The following SMG6 variants were observed in gnomAD, a reference collection of about 807,000 sequenced individuals.
SMG6 encodes the protein SMG6 nonsense mediated mRNA decay factor.
SMG6 carries 66 observed loss-of-function variants against 142.2 expected under a neutral mutation model. That is an observed-to-expected ratio of 0.46 (90% CI 0.38 to 0.57). The LOEUF (loss-of-function observed/expected upper bound fraction) is 0.57, where lower values mean the gene tolerates loss of function less well. SMG6 is among the 20% of genes least tolerant of loss of function. The pLI is 0.00. For missense variants in SMG6, 1,793 were observed against 1,832.0 expected (o/e 0.98, Z 0.39); for synonymous variants, 779 against 702.4 (o/e 1.11, Z -1.72).
chr17:2,090,706 A>G (rs1476310896), intron 13 of SMG6, among the ~76,000 whole-genome samples: 2 of 152,248 alleles, frequency 1.3e-5, no homozygotes, highest in African/African-American at 4.8e-5. Flanking sequence ...CCAGCTTGCT[A>G]CTGCTCCTCT....
intron 13 of SMG6, among the ~76,000 whole-genome samples, chr17:2,097,152 T>A (rs1173839474): frequency 6.6e-6 from 1 of 151,908 alleles, no homozygotes; most frequent in Admixed American, 6.6e-5. Flanking sequence ...TAATTTTTCT[T>A]TTCTTTTCTT....
At chr17:2,094,824 T>C (rs1031731634) in intron 13 of SMG6, 1 of 152,228 alleles carries the variant, frequency 6.6e-6, no homozygotes, top group Admixed American at 6.5e-5. Flanking sequence ...CAAAGCCAGA[T>C]AGGAGTCTGG....
chr17:2,237,629 A>G (rs1299795461), intron 9 of SMG6: 3 of 883,068 alleles, frequency 3.4e-6, no homozygotes, highest in Non-Finnish European at 4.1e-6. Flanking sequence ...GCCACTCCCA[A>G]TACAGGAAGA....
At chr17:2,162,517 GAAAAAAAAAA>G (rs56092903) in intron 13 of SMG6, among the ~76,000 whole-genome samples, 66 of 60,648 alleles carry the variant, frequency 1.1e-3, no homozygotes, top group African/African-American at 3.8e-3. Flanking sequence ...CCCCATCTCA[GAAAAAAAAAA>G]AAAAAAAAAA....
At chr17:2,090,182 CAAAAAAAA>C (rs71150849) in intron 13 of SMG6, among the ~76,000 whole-genome samples, 2 of 96,674 alleles carry the variant, frequency 2.1e-5, no homozygotes, top group East Asian at 3.0e-4. Context: ...GACTCTGTCT[CAAAAAAAA>C]AAAAAAAAAA....
intron 13 of SMG6, among the ~76,000 whole-genome samples, chr17:2,098,005 G>T (rs11868391): frequency 1.3e-5 from 2 of 151,796 alleles, no homozygotes; most frequent in African/African-American, 4.8e-5. Context: ...CTTGGGGGGC[G>T]GGGGACAGGG....
intron 13 of SMG6, among the ~76,000 whole-genome samples, chr17:2,137,657 G>C (rs2070347245): frequency 6.6e-6 from 1 of 152,072 alleles, no homozygotes; most frequent in Non-Finnish European, 1.5e-5. Context: ...AAGACACCTG[G>C]AGAATGACCC....
At chr17:2,107,996 C>A (rs765722252) in intron 13 of SMG6, among the ~76,000 whole-genome samples, 1 of 152,182 alleles carries the variant, frequency 6.6e-6, no homozygotes, top group Non-Finnish European at 1.5e-5. Context: ...ACACCTGCCT[C>A]GCCTTCTGAA....
chr17:2,088,774 G>A (rs1268596628), intron 13 of SMG6: 42 of 985,298 alleles, frequency 4.3e-5, no homozygotes, highest in Non-Finnish European at 5.1e-5. Context: ...GGCTTGCCCA[G>A]AGGCACAGAG....
At chr17:2,197,842 A>G (rs1026325522) in intron 10 of SMG6, among the ~76,000 whole-genome samples, 3 of 152,206 alleles carry the variant, frequency 2.0e-5, no homozygotes, top group Non-Finnish European at 1.5e-5. Flanking sequence ...AAATATTGGT[A>G]AGGATGCTGG....
intron 10 of SMG6, among the ~76,000 whole-genome samples, chr17:2,230,186 CAAAA>C (rs1184138967): frequency 1.2e-4 from 1 of 8,192 alleles, no homozygotes; most frequent in African/African-American, 4.5e-4. Context: ...ACTCCGTCTC[CAAAA>C]AAAAAAAAAA....
chr17:2,243,325 G>A lies in SMG6; in HGVS notation c.2723+1333C>T, dbSNP rs547236765. ...TCTTCCAGTGGAACCAAGCCTTTCCGCTTCTCAAAAAAGTTAACTACAACG... is the reference window on the plus strand; with the variant it reads ...TCTTCCAGTGGAACCAAGCCTTTCCACTTCTCAAAAAAGTTAACTACAACG... On this transcript the variant is annotated intron_variant, in intron 9 of 18. Coordinates refer to ENST00000263073, the MANE Select transcript of SMG6 (RefSeq NM_017575.5). Among the ~76,000 whole-genome samples, 6 of 152,208 alleles carry A rather than the reference G, an allele frequency of 3.9e-5. No individual in the cohort carries two copies. The South Asian group carries it at 6.2e-4, about 16-fold the overall frequency.
chr17:2,077,828 T>C (rs540919636), intron 15 of SMG6, among the ~76,000 whole-genome samples: 1 of 152,204 alleles, frequency 6.6e-6, no homozygotes, highest in South Asian at 2.1e-4. Flanking sequence ...CCACTGTGTC[T>C]GGCATTACTT....
chr17:2,146,790 T>C (rs531942496), intron 13 of SMG6, among the ~76,000 whole-genome samples: 1 of 152,288 alleles, frequency 6.6e-6, no homozygotes, highest in African/African-American at 2.4e-5. Flanking sequence ...AGTCTTCAAT[T>C]CCTGGCCTGA....
Position 2,167,897 on chromosome 17 carries a change from G to T in SMG6, c.3357+4761C>A, listed in dbSNP as rs553626598. On this transcript the variant is annotated intron_variant, in intron 13 of 18. Transcript: ENST00000263073. ...CCTTTTTCTTTCTTTTTTTTCAGAC[G>T]GGGTCTTGCTCTGAGACCCAGGCTG... Among the ~76,000 whole-genome samples the T allele has an allele frequency of 4.6e-5, 7 of 151,716 alleles. No individual in the cohort carries two copies. In the East Asian group the frequency reaches 9.7e-4, roughly 21 times the overall value.
At position 2,079,662 on chromosome 17, in the gene SMG6, T is replaced by C. The variant is rs559202355; in HGVS notation, c.3681+2148A>G. On this transcript the variant is annotated intron_variant, in intron 15 of 18. Transcript: ENST00000263073. The stretch of plus-strand genomic sequence containing the variant: ...GAGGATAAAGCTGTTTTGAGGATCA[T>C]GCACAAGTTTACATGTAGACCCACA... 7.3e-5 allele frequency among the ~76,000 whole-genome samples: 11 copies of C among 151,376 alleles called. No individual in the cohort carries two copies. In the South Asian group the frequency reaches 2.3e-3, roughly 32 times the overall value.
At chr17:2,233,993 C>T (rs1369692617) in intron 10 of SMG6, among the ~76,000 whole-genome samples, 1 of 152,160 alleles carries the variant, frequency 6.6e-6, no homozygotes, top group Non-Finnish European at 1.5e-5. Context: ...ACACCTCAAC[C>T]CATACTCTTC....
At chr17:2,151,838 C>T (rs189923738) in intron 13 of SMG6, among the ~76,000 whole-genome samples, 3 of 152,246 alleles carry the variant, frequency 2.0e-5, no homozygotes, top group East Asian at 1.9e-4. Context: ...TCCATTGCCT[C>T]GGGGGCCTGT....
intron 13 of SMG6, among the ~76,000 whole-genome samples, chr17:2,097,112 T>C (rs1282625578): frequency 6.6e-6 from 1 of 152,160 alleles, no homozygotes; most frequent in East Asian, 1.9e-4. Flanking sequence ...GTTTTTAAAA[T>C]CAATCATTAC....
Sources: allele counts gnomAD v4.1 joint callset (sites outside exome capture counted in the v4.1 genomes callset), GRCh38; gene constraint gnomAD v4.1.1; transcripts MANE v1.5; gene names NCBI Gene and HGNC (gene_info 2026-07-23, HGNC 2026-07-21).